The following KPNA4 variants were observed in gnomAD, a reference collection of about 807,000 sequenced individuals.
KPNA4 encodes the protein karyopherin subunit alpha 4.
In KPNA4, 13 loss-of-function variants were observed where a neutral mutation model predicts 71.3. That is an observed-to-expected ratio of 0.18 (90% CI 0.12 to 0.29). The LOEUF is 0.29. KPNA4 is among the 10% of genes least tolerant of loss of function. The pLI, the probability that KPNA4 is intolerant of heterozygous loss-of-function variation, is 1.00. For missense variants in KPNA4, 334 were observed against 603.2 expected, an observed-to-expected ratio of 0.55 and a Z score of 4.67; for synonymous variants, 189 against 195.2, an observed-to-expected ratio of 0.97 and a Z score of 0.26.
At chr3:160,519,132 T>C (rs1236588815) in intron 11 of KPNA4, among the ~76,000 whole-genome samples, 1 of 152,214 alleles carries the variant, frequency 6.6e-6, no homozygotes, top group Non-Finnish European at 1.5e-5. Flanking sequence ...GGGATTTTAA[T>C]AGGGATTGTG....
At chr3:160,520,256 CTT>C (rs540891880) in intron 11 of KPNA4, among the ~76,000 whole-genome samples, 1 of 145,066 alleles carries the variant, frequency 6.9e-6, no homozygotes. Context: ...ATTGTTTTTT[CTT>C]TTTTTTTTTA....
chr3:160,502,411 C>A (rs368110652), intron 16 of KPNA4, among the ~76,000 whole-genome samples: 6 of 151,810 alleles, frequency 4.0e-5, no homozygotes, highest in Admixed American at 3.9e-4. Flanking sequence ...CACTCTGTCA[C>A]CCAGGCTGGA....
chr3:160,530,725 C>T (rs1721557361), intron 7 of KPNA4, 130 bp downstream of exon 7: 1 of 609,604 alleles, frequency 1.6e-6, no homozygotes, highest in African/African-American at 1.9e-5. Flanking sequence ...CTTAAGTTGA[C>T]CTATTTCAAT....
In KPNA4 at chr3:160,496,370, T is replaced by G. The variant is rs1720763641; in HGVS notation, c.*5734A>C. The G allele has an allele frequency of 6.6e-6, 1 of 152,220 alleles. No individual in the cohort carries two copies. 9.4% of individuals were successfully genotyped at this position (152,220 alleles called of 1,614,324 possible). Reference sequence around the variant, plus strand: ...GGAGAGGACAGGACAGTGAGGGAATTATCTGGAAGGTAGGTAACTGGATTG... The same window carrying G: ...GGAGAGGACAGGACAGTGAGGGAATGATCTGGAAGGTAGGTAACTGGATTG... On this transcript the variant is annotated 3_prime_UTR_variant, in exon 17 of 17. Transcript: ENST00000334256.
chr3:160,542,681 A>G (rs1411842371), intron 1 of KPNA4, among the ~76,000 whole-genome samples: 1 of 152,186 alleles, frequency 6.6e-6, no homozygotes, highest in African/African-American at 2.4e-5. Context: ...TCTACTAGTG[A>G]TGGGCAAAAG....
At chr3:160,522,993 G>T (rs988203271) in intron 10 of KPNA4, among the ~76,000 whole-genome samples, 2 of 151,652 alleles carry the variant, frequency 1.3e-5, no homozygotes, top group African/African-American at 4.9e-5. Context: ...TTCCTAGTAC[G>T]TTAGGTCCTA....
At chr3:160,509,458 A>T (rs936671782) in intron 14 of KPNA4, among the ~76,000 whole-genome samples, 3 of 152,226 alleles carry the variant, frequency 2.0e-5, no homozygotes, top group African/African-American at 7.2e-5. Flanking sequence ...ACCATGGATT[A>T]AAAAATTCTT....
chr3:160,495,916 C>CTTTTTT lies in KPNA4; in HGVS notation c.*6182_*6187dup, dbSNP rs10714139. 7.5e-6 allele frequency: 1 copy of CTTTTTT among 133,236 alleles called. No individual in the cohort carries two copies. The highest frequency in any genetic ancestry group is 1.6e-5 in the Non-Finnish European group (1 of 62,464). The allele number at this position is 133,236 out of a possible 1,614,324, so 8.3% of individuals were successfully genotyped here. On this transcript the variant is annotated 3_prime_UTR_variant, in exon 17 of 17. Transcript: ENST00000334256. ...ACAATTATGAATCAAAAGATGGAGT[C>CTTTTTT]TTTTTTTTTTTTTTTTTAAGGTAAA...
rs2108539822 is a variant in KPNA4 at position 160,497,557 on chromosome 3, CTT to C, written c.*4545_*4546del. 1.3e-5 allele frequency: 2 copies of C among 152,226 alleles called. No homozygotes were observed. The highest frequency in any genetic ancestry group is 4.8e-5 in the African/African-American group (2 of 41,544). 9.4% of individuals were successfully genotyped at this position (152,226 alleles called of 1,614,324 possible). A position where few individuals can be genotyped will look rare whatever the true frequency, so the allele number is the denominator to read the frequency against. On this transcript the variant is annotated 3_prime_UTR_variant, in exon 17 of 17. Coordinates refer to ENST00000334256, the MANE Select transcript of KPNA4 (RefSeq NM_002268.5). The stretch of plus-strand genomic sequence containing the variant: ...TGCTTATTAAAAAGTTTAGGGAAAA[CTT>C]TAAGTGTTCAAAATGTCAAGTTTGT...
At chr3:160,561,204 T>C (rs963513727) in intron 1 of KPNA4, among the ~76,000 whole-genome samples, 3 of 152,080 alleles carry the variant, frequency 2.0e-5, no homozygotes, top group African/African-American at 7.2e-5. Flanking sequence ...TTATATTTTA[T>C]GCTCTATTTG....
At chr3:160,530,763 T>C (rs1220651430) in intron 7 of KPNA4, 92 bp downstream of exon 7, 4 of 822,540 alleles carry the variant, frequency 4.9e-6, no homozygotes, top group Non-Finnish European at 5.9e-6. Flanking sequence ...TATTTTATAA[T>C]TTAAATTGCC....
At chr3:160,561,144 T>C (rs1203409183) in intron 1 of KPNA4, among the ~76,000 whole-genome samples, 1 of 151,850 alleles carries the variant, frequency 6.6e-6, no homozygotes, top group African/African-American at 2.4e-5. Flanking sequence ...AATATTCTTT[T>C]ATATTTAGGG....
At chr3:160,553,652 T>G (rs1021871056) in intron 1 of KPNA4, among the ~76,000 whole-genome samples, 1 of 152,048 alleles carries the variant, frequency 6.6e-6, no homozygotes, top group Admixed American at 6.6e-5. Context: ...TCAAAACAAG[T>G]CCCCACTAGG....
At chr3:160,520,961 C>CT (rs975819869) in intron 11 of KPNA4, among the ~76,000 whole-genome samples, 55 of 152,196 alleles carry the variant, frequency 3.6e-4, no homozygotes, top group Admixed American at 3.3e-3. Context: ...TTCTCACACT[C>CT]TGTTTTTGGC....
In KPNA4 at chr3:160,525,794, A is replaced by G; in HGVS notation, c.771+6T>C. The G allele has an allele frequency of 6.5e-7, 1 of 1,534,402 alleles. No individual in the cohort carries two copies. The highest frequency in any genetic ancestry group is 8.8e-7 in the Non-Finnish European group (1 of 1,134,482). ...CATAAATATATAATAGGACACATTT[A>G]CTCACATTTACATCTGTGTGATGAA... On this transcript the variant is annotated splice_donor_region_variant and intron_variant, in intron 10 of 16. Coordinates refer to ENST00000334256, the MANE Select transcript of KPNA4 (RefSeq NM_002268.5).
At chr3:160,549,852 T>C (rs1213498919) in intron 1 of KPNA4, among the ~76,000 whole-genome samples, 1 of 152,366 alleles carries the variant, frequency 6.6e-6, no homozygotes, top group East Asian at 1.9e-4. Flanking sequence ...TTGAGTATCA[T>C]GGACATTTTA....
intron 1 of KPNA4, among the ~76,000 whole-genome samples, chr3:160,544,463 G>A (rs540908680): frequency 5.9e-5 from 9 of 152,126 alleles, no homozygotes; most frequent in Non-Finnish European, 7.3e-5. Context: ...AGATTAATGG[G>A]TTATAAGGGA....
Position 160,562,044 on chromosome 3 carries a change from G to A in KPNA4, c.69+3170C>T, listed in dbSNP as rs573167884. Among the ~76,000 whole-genome samples, 5 of 152,208 alleles carry A rather than the reference G, an allele frequency of 3.3e-5. No homozygotes were observed. The East Asian group carries it at 7.7e-4, about 23-fold the overall frequency. ...AGAGATCAAATTAAACTAAACTCTAGGACTCTGTATTCTTCATCATTTCTA... is the reference window on the plus strand; with the variant it reads ...AGAGATCAAATTAAACTAAACTCTAAGACTCTGTATTCTTCATCATTTCTA... On this transcript the variant is annotated intron_variant, in intron 1 of 16. Transcript: ENST00000334256.
intron 1 of KPNA4, among the ~76,000 whole-genome samples, chr3:160,548,422 A>G (rs78522207): frequency 0.036 from 5,532 of 152,196 alleles, 347 homozygotes; most frequent in African/African-American, 0.13. Flanking sequence ...CTGGTCTTGC[A>G]AAAACGAAAC....
Sources: gnomAD v4.1 joint callset for allele counts (sites outside exome capture counted in the v4.1 genomes callset) on GRCh38, gnomAD v4.1.1 for gene constraint, MANE v1.5 for transcripts, NCBI Gene and HGNC (gene_info 2026-07-23, HGNC 2026-07-21) for gene names.